Variants in ATP8A2 observed in about 807,000 individuals in gnomAD.
The protein encoded by ATP8A2 is ATPase phospholipid transporting 8A2, also known as phospholipid-transporting ATPase IB.
Under a neutral mutation model 165.6 loss-of-function variants are expected in ATP8A2, and 100 were observed. That is an observed-to-expected ratio of 0.60 (90% CI 0.51 to 0.71). ATP8A2 has a LOEUF of 0.71. ATP8A2 is among the 30% of genes least tolerant of loss of function. The pLI, the probability that ATP8A2 is intolerant of heterozygous loss-of-function variation, is 0.00. For missense variants in ATP8A2, 1,227 were observed against 1,479.5 expected (o/e 0.83, Z 2.80); for synonymous variants, 543 against 548.8 (o/e 0.99, Z 0.15).
intron 25 of ATP8A2, among the ~76,000 whole-genome samples, chr13:25,727,010 C>T (rs918887371): frequency 6.6e-6 from 1 of 152,070 alleles, no homozygotes; most frequent in African/African-American, 2.4e-5. Context: ...CTTGATTTTC[C>T]GTGTAGTACC....
chr13:25,622,205 C>A (rs1172284782), intron 24 of ATP8A2, among the ~76,000 whole-genome samples: 561 of 124,626 alleles, frequency 4.5e-3, no homozygotes, highest in Admixed American at 5.3e-3. Context: ...GACTCTGTCT[C>A]AAAAAAAAAA....
At chr13:25,461,114 C>T (rs1242682551) in intron 1 of ATP8A2, among the ~76,000 whole-genome samples, 1 of 152,110 alleles carries the variant, frequency 6.6e-6, no homozygotes, top group Admixed American at 6.5e-5. Flanking sequence ...AGAAAGAAAC[C>T]AACAAGTATT....
At chr13:25,519,689 A>C (rs147485434) in intron 2 of ATP8A2, among the ~76,000 whole-genome samples, 90 of 152,226 alleles carry the variant, frequency 5.9e-4, no homozygotes, top group African/African-American at 2.1e-3. Flanking sequence ...TTGGGTTTCC[A>C]TGCAGCTAAA....
intron 33 of ATP8A2, among the ~76,000 whole-genome samples, chr13:25,874,538 A>C (rs1008519761): frequency 6.6e-6 from 1 of 152,256 alleles, no homozygotes; most frequent in Non-Finnish European, 1.5e-5. Context: ...GGCCACTCTT[A>C]GAAACACAAG....
chr13:25,741,237 T>C (rs978608291), intron 25 of ATP8A2, among the ~76,000 whole-genome samples: 1 of 152,168 alleles, frequency 6.6e-6, no homozygotes, highest in Non-Finnish European at 1.5e-5. Flanking sequence ...GGAAGCTAAG[T>C]TGGAAGTCAG....
chr13:25,656,361 C>T (rs539293722), intron 24 of ATP8A2, among the ~76,000 whole-genome samples: 11 of 151,810 alleles, frequency 7.2e-5, no homozygotes, highest in East Asian at 2.0e-4. Context: ...CTGCAACCTC[C>T]GCCTCCTGGG....
At chr13:25,898,456 T>C (rs1413625427) in intron 33 of ATP8A2, among the ~76,000 whole-genome samples, 3 of 152,214 alleles carry the variant, frequency 2.0e-5, no homozygotes, top group Non-Finnish European at 4.4e-5. Flanking sequence ...GCCTCCAAGT[T>C]AGGCTACTCG....
At chr13:25,377,540 C>A (rs759747881) in intron 1 of ATP8A2, among the ~76,000 whole-genome samples, 3 of 152,186 alleles carry the variant, frequency 2.0e-5, no homozygotes, top group Non-Finnish European at 4.4e-5. Context: ...TGGCTCATGT[C>A]TGCAATCCCA....
At chr13:25,676,306 G>C (rs1236390182) in intron 24 of ATP8A2, among the ~76,000 whole-genome samples, 1 of 152,104 alleles carries the variant, frequency 6.6e-6, no homozygotes, top group Non-Finnish European at 1.5e-5. Flanking sequence ...CCCTCATCTA[G>C]CTTAGATATT....
intron 25 of ATP8A2, among the ~76,000 whole-genome samples, chr13:25,732,319 G>A (rs768489053): frequency 6.6e-5 from 10 of 152,152 alleles, no homozygotes; most frequent in East Asian, 1.9e-4. Flanking sequence ...TTGTGGCCAC[G>A]TAGCAATGAG....
intron 33 of ATP8A2, among the ~76,000 whole-genome samples, chr13:25,952,856 G>A (rs952048921): frequency 6.6e-6 from 1 of 152,186 alleles, no homozygotes; most frequent in African/African-American, 2.4e-5. Context: ...GGTTTGGAAT[G>A]TACATTGCCA....
At chr13:25,614,716 G>A (rs766552819) in intron 24 of ATP8A2, among the ~76,000 whole-genome samples, 16 of 152,226 alleles carry the variant, frequency 1.1e-4, no homozygotes, top group South Asian at 8.3e-4. Flanking sequence ...GGTGCTCTCC[G>A]CCTTTTCCTA....
chr13:25,897,393 G>A (rs1213586302), intron 33 of ATP8A2, among the ~76,000 whole-genome samples: 7 of 152,154 alleles, frequency 4.6e-5, no homozygotes, highest in African/African-American at 4.8e-5. Context: ...AGTTTCTGCC[G>A]AGACATCAGC....
At chr13:25,665,825 C>T (rs546478891) in intron 24 of ATP8A2, among the ~76,000 whole-genome samples, 1 of 151,684 alleles carries the variant, frequency 6.6e-6, no homozygotes, top group South Asian at 2.1e-4. Flanking sequence ...CTAGCTGGGA[C>T]TACAGATGCA....
chr13:25,487,587 A>G (rs868467797), intron 2 of ATP8A2, among the ~76,000 whole-genome samples: 2 of 152,220 alleles, frequency 1.3e-5, no homozygotes, highest in Admixed American at 6.5e-5. Context: ...GTTTGACAAC[A>G]ACTCTCCCAT....
At chr13:26,002,429 G>T (rs547975749) in intron 35 of ATP8A2, among the ~76,000 whole-genome samples, 10 of 152,080 alleles carry the variant, frequency 6.6e-5, no homozygotes, top group African/African-American at 2.4e-4. Flanking sequence ...GTGGGGGGAT[G>T]GGGGAGGGAT....
chr13:25,514,029 A>AGAGGGAGAGGGAGAGGGC (rs2037384544), intron 2 of ATP8A2, among the ~76,000 whole-genome samples: 1 of 144,218 alleles, frequency 6.9e-6, no homozygotes, highest in African/African-American at 2.6e-5. Flanking sequence ...AGGGAGAGGG[A>AGAGGGAGAGGGAGAGGGC]CTCTTAATAG....
chr13:25,643,361 G>A (rs1016325583), intron 24 of ATP8A2, among the ~76,000 whole-genome samples: 2 of 151,960 alleles, frequency 1.3e-5, no homozygotes, highest in African/African-American at 2.4e-5. Flanking sequence ...TGGACATTTG[G>A]GTTGCTTGCA....
chr13:25,628,817 G>C (rs779204032), intron 24 of ATP8A2, among the ~76,000 whole-genome samples: 1 of 152,176 alleles, frequency 6.6e-6, no homozygotes, highest in Admixed American at 6.5e-5. Context: ...GATTACCTGT[G>C]CAAAGACTCT....
Sources: allele counts gnomAD v4.1 joint callset (sites outside exome capture counted in the v4.1 genomes callset), GRCh38; gene constraint gnomAD v4.1.1; transcripts MANE v1.5; gene names NCBI Gene and HGNC (gene_info 2026-07-23, HGNC 2026-07-21).